MYZAP: variants seen among roughly 807,000 people sequenced by gnomAD.
The protein encoded by MYZAP is myocardial zonula adherens protein.
In MYZAP, 66 loss-of-function variants were observed where a neutral mutation model predicts 69.4. The ratio of observed to expected loss-of-function variants is 0.95; its 90% CI spans 0.78 to 1.17. The LOEUF is 1.17. MYZAP is among the 50% of genes most tolerant of loss of function. The pLI is 0.00. For missense variants in MYZAP, 611 were observed against 556.2 expected (o/e 1.10, Z -0.99); for synonymous variants, 256 against 205.9 (o/e 1.24, Z -2.09).
intron 3 of MYZAP, 106 bp downstream of exon 3, chr15:57,618,294 A>T (rs376746390): frequency 2.9e-5 from 43 of 1,476,734 alleles, no homozygotes; most frequent in Admixed American, 1.4e-4. Context: ...TTTTGAAAGA[A>T]TTCTTAGTGT....
At chr15:57,659,191 G>A (rs1157297215) in intron 10 of MYZAP, among the ~76,000 whole-genome samples, 3 of 151,896 alleles carry the variant, frequency 2.0e-5, no homozygotes, top group Non-Finnish European at 2.9e-5. Context: ...TTGGCCCAAG[G>A]GGAGACACCT....
At chr15:57,614,045 A>G (rs2035279341) in intron 2 of MYZAP, among the ~76,000 whole-genome samples, 1 of 152,208 alleles carries the variant, frequency 6.6e-6, no homozygotes, top group Admixed American at 6.5e-5. Context: ...CTGATATTTT[A>G]TAAAAATGAT....
At chr15:57,651,249 T>C (rs1436555077) in intron 10 of MYZAP, among the ~76,000 whole-genome samples, 1 of 152,198 alleles carries the variant, frequency 6.6e-6, no homozygotes, top group Non-Finnish European at 1.5e-5. Flanking sequence ...TCCATATATA[T>C]GTATTACATG....
intron 12 of MYZAP, among the ~76,000 whole-genome samples, chr15:57,684,194 G>GAA (rs2039579453): frequency 2.0e-5 from 3 of 152,134 alleles, no homozygotes; most frequent in Admixed American, 2.0e-4. Flanking sequence ...ATCACCTTAG[G>GAA]GGTTAGGATT....
At chr15:57,602,409 C>T (rs930375908) in intron 1 of MYZAP, among the ~76,000 whole-genome samples, 1 of 152,098 alleles carries the variant, frequency 6.6e-6, no homozygotes, top group African/African-American at 2.4e-5. Context: ...ATATGATGAT[C>T]GCCCTGTATG....
intron 10 of MYZAP, among the ~76,000 whole-genome samples, chr15:57,641,992 A>G (rs1170789752): frequency 2.0e-5 from 3 of 152,218 alleles, no homozygotes; most frequent in Non-Finnish European, 2.9e-5. Context: ...TTTGTTTTGT[A>G]TTGTGAAGCA....
In MYZAP at chr15:57,602,751, A is replaced by G. The variant is rs555125749; in HGVS notation, c.76-1518A>G. On this transcript the variant is annotated intron_variant, in intron 1 of 12. Transcript: ENST00000267853. ...ATCTCAGCTCTGTCATTTCCCAGCC[A>G]TGTAACCCTTCAGAGGCTTAGCTTC... 2.0e-5 allele frequency among the ~76,000 whole-genome samples: 3 copies of G among 152,332 alleles called. No individual in the cohort carries two copies. In the East Asian group the frequency reaches 5.8e-4, roughly 29 times the overall value.
chr15:57,643,730 G>GTT (rs1221479326), intron 10 of MYZAP, among the ~76,000 whole-genome samples: 9 of 145,694 alleles, frequency 6.2e-5, no homozygotes, highest in African/African-American at 2.1e-4. Context: ...TTCTTAAGAG[G>GTT]TTTTTTTTTT....
chr15:57,648,884 C>T (rs2037585882), intron 10 of MYZAP, among the ~76,000 whole-genome samples: 2 of 150,664 alleles, frequency 1.3e-5, no homozygotes, highest in Admixed American at 6.6e-5. Context: ...CTTTCACCCT[C>T]TCTTCTTCTC....
intron 8 of MYZAP, among the ~76,000 whole-genome samples, chr15:57,634,093 C>T (rs1394523577): frequency 6.6e-6 from 1 of 152,118 alleles, no homozygotes; most frequent in Non-Finnish European, 1.5e-5. Context: ...GTTTCTGGGG[C>T]ATGTGTCTCA....
intron 11 of MYZAP, among the ~76,000 whole-genome samples, chr15:57,663,044 C>T (rs931998564): frequency 6.6e-6 from 1 of 152,172 alleles, no homozygotes; most frequent in Non-Finnish European, 1.5e-5. Flanking sequence ...TCTAAGATTC[C>T]TTTCTGAAAT....
At chr15:57,646,658 A>G (rs1300058024) in intron 10 of MYZAP, 2 of 990,952 alleles carry the variant, frequency 2.0e-6, no homozygotes, top group Non-Finnish European at 2.4e-6. Context: ...AAGAAAGTAC[A>G]GGAGCAGCCA....
intron 2 of MYZAP, among the ~76,000 whole-genome samples, chr15:57,615,285 A>G (rs1021586302): frequency 3.9e-5 from 6 of 152,350 alleles, no homozygotes; most frequent in East Asian, 1.9e-4. Flanking sequence ...ATACACAAAC[A>G]CACAGTCTTC....
chr15:57,680,195 A>G (rs1595948094), intron 12 of MYZAP, among the ~76,000 whole-genome samples: 1 of 152,114 alleles, frequency 6.6e-6, no homozygotes, highest in African/African-American at 2.4e-5. Flanking sequence ...AGTATATTGC[A>G]GTCACTTCTG....
At chr15:57,667,794 G>A (rs984136497) in intron 11 of MYZAP, among the ~76,000 whole-genome samples, 1 of 152,054 alleles carries the variant, frequency 6.6e-6, no homozygotes, top group Non-Finnish European at 1.5e-5. Context: ...AAGTGTTTCT[G>A]TTTAAGCATA....
chr15:57,662,813 G>A (rs1201082228), intron 11 of MYZAP, among the ~76,000 whole-genome samples: 2 of 152,162 alleles, frequency 1.3e-5, no homozygotes, highest in Admixed American at 6.5e-5. Context: ...GTTTGAGTGG[G>A]TGGTGAGCTG....
At chr15:57,640,684 C>A (rs2037099768) in intron 10 of MYZAP, among the ~76,000 whole-genome samples, 1 of 152,088 alleles carries the variant, frequency 6.6e-6, no homozygotes, top group Non-Finnish European at 1.5e-5. Flanking sequence ...TGGGAAGGGA[C>A]ATCTTTTTTT....
chr15:57,671,846 AACATCATAGTT>A (rs1450535996), intron 11 of MYZAP, among the ~76,000 whole-genome samples: 2 of 152,154 alleles, frequency 1.3e-5, no homozygotes, highest in Non-Finnish European at 2.9e-5. Flanking sequence ...TGAAAATTCC[AACATCATAGTT>A]ACATCAGGAT....
intron 12 of MYZAP, 90 bp downstream of exon 12, chr15:57,675,158 A>G (rs1422655873): frequency 4.4e-6 from 5 of 1,149,020 alleles, no homozygotes; most frequent in South Asian, 3.0e-5. Flanking sequence ...GCAGAATTGC[A>G]TTCTTCCTAT....
Sources: allele counts gnomAD v4.1 joint callset (sites outside exome capture counted in the v4.1 genomes callset), GRCh38; gene constraint gnomAD v4.1.1; transcripts MANE v1.5; gene names NCBI Gene and HGNC (gene_info 2026-07-23, HGNC 2026-07-21).